Variants in PRUNE2 observed in about 807,000 individuals in gnomAD.
The protein encoded by PRUNE2 is protein prune homolog 2.
PRUNE2 carries 164 observed loss-of-function variants against 252.0 expected under a neutral mutation model. That is an observed-to-expected ratio of 0.65 (90% CI 0.57 to 0.74). The LOEUF is 0.74. PRUNE2 is among the 30% of genes least tolerant of loss of function. PRUNE2 has a pLI of 0.00. For synonymous variants in PRUNE2, 1,292 were observed against 1,350.2 expected (o/e 0.96, Z 0.94); for missense variants, 3,495 against 3,711.0 (o/e 0.94, Z 1.51).
intron 9 of PRUNE2, among the ~76,000 whole-genome samples, chr9:76,685,439 C>A (rs2043978663): frequency 6.6e-6 from 1 of 152,100 alleles, no homozygotes; most frequent in Admixed American, 6.5e-5. Flanking sequence ...TTGCATCCTC[C>A]AAGATTCTTA....
At chr9:76,618,859 T>C (rs142682993) in intron 18 of PRUNE2, among the ~76,000 whole-genome samples, 138 of 152,336 alleles carry the variant, frequency 9.1e-4, no homozygotes, top group African/African-American at 3.2e-3. Flanking sequence ...ACATGTCCAA[T>C]TTCTGCTTCT....
rs145226945 is a variant in PRUNE2, at chr9:76,863,570, T to C, written c.37-9362A>G. 7.8e-3 allele frequency among the ~76,000 whole-genome samples: 1,186 copies of C among 152,314 alleles called. 14 individuals are homozygous for C. Among genetic ancestry groups the C allele is most frequent in the African/African-American group, 0.027 (1,116 of 41,568 alleles). ...TGGCCTTGGGCATTATGGAACAACT[T>C]GTTCAATAAAGTTGCATTAAGTATG... On this transcript the variant is annotated intron_variant, in intron 1 of 18. Coordinates refer to ENST00000376718, the MANE Select transcript of PRUNE2 (RefSeq NM_015225.3).
chr9:76,769,502 C>T (rs965073965), intron 6 of PRUNE2, among the ~76,000 whole-genome samples: 1 of 149,020 alleles, frequency 6.7e-6, no homozygotes, highest in Non-Finnish European at 1.5e-5. Flanking sequence ...GGCTCGTCGT[C>T]GCAACCTCCG....
intron 6 of PRUNE2, among the ~76,000 whole-genome samples, chr9:76,810,124 G>A (rs1375750311): frequency 1.3e-5 from 2 of 152,182 alleles, no homozygotes; most frequent in Non-Finnish European, 2.9e-5. Flanking sequence ...CAGAGAAACT[G>A]AAAACTAGAT....
chr9:76,676,070 A>AAACC (rs2042504243), intron 9 of PRUNE2, among the ~76,000 whole-genome samples: 1 of 110,370 alleles, frequency 9.1e-6, no homozygotes, highest in African/African-American at 3.0e-5. Context: ...TATAATAAAA[A>AAACC]AAAAACCAAA....
At chr9:76,640,191 C>T (rs537930038) in intron 12 of PRUNE2, among the ~76,000 whole-genome samples, 43 of 152,260 alleles carry the variant, frequency 2.8e-4, no homozygotes, top group African/African-American at 8.4e-4. Context: ...CAGAACCCAA[C>T]GTGTTAGTTT....
intron 6 of PRUNE2, among the ~76,000 whole-genome samples, chr9:76,732,910 A>G (rs1454770712): frequency 6.6e-6 from 1 of 152,182 alleles, no homozygotes; most frequent in African/African-American, 2.4e-5. Flanking sequence ...AAGGCCACCA[A>G]CAGACCACCG....
chr9:76,668,306 G>A (rs554170345), intron 9 of PRUNE2, among the ~76,000 whole-genome samples: 18 of 152,318 alleles, frequency 1.2e-4, no homozygotes, highest in African/African-American at 3.1e-4. Flanking sequence ...ATGCAAACAC[G>A]AAATAATTAA....
chr9:76,875,075 C>T (rs1247027767), intron 1 of PRUNE2, among the ~76,000 whole-genome samples: 2 of 152,148 alleles, frequency 1.3e-5, no homozygotes, highest in Admixed American at 1.3e-4. Flanking sequence ...ATACAGACAG[C>T]ACCTGTATTC....
rs1564125517 is a variant in PRUNE2, at chr9:76,711,112, A to T, written c.1162T>A (p.Leu388Met). Residue 388 changes from leucine to methionine, a missense_variant, in exon 8 of 19, where the codon TTG (leucine) becomes ATG (methionine). Physicochemically the swap from Leu to Met is conservative, Grantham distance 15. Coordinates refer to ENST00000376718, the MANE Select transcript of PRUNE2 (RefSeq NM_015225.3). Reference protein sequence around the residue: ...LSQGSSGIMELYGSDIEPQPS... With the variant: ...LSQGSSGIMEMYGSDIEPQPS... ...TGTGGCTCTATGTCAGAACCATACA[A>T]TTCCATAATCCCAGAAGACCCCTGG... 4 of 1,613,888 alleles carry T rather than the reference A, an allele frequency of 2.5e-6. No individual in the cohort carries two copies. The highest frequency in any genetic ancestry group is 3.4e-6 in the Non-Finnish European group (4 of 1,179,850).
rs141285672 is a variant in PRUNE2, at chr9:76,750,475, CAGAGG to C, written c.757-36759_757-36755del. ...CCCACACATTTGGTGGCCAGAAGTA[CAGAGG>C]AGAGGAGAAAATTAGTTTTCCTATG... On this transcript the variant is annotated intron_variant, in intron 6 of 18. Coordinates refer to ENST00000376718, the MANE Select transcript of PRUNE2 (RefSeq NM_015225.3). Among the ~76,000 whole-genome samples the C allele has an allele frequency of 6.5e-3, 993 of 152,284 alleles. 10 individuals are homozygous for C. The highest frequency in any genetic ancestry group is 0.022 in the African/African-American group (933 of 41,546).
Position 76,706,812 on chromosome 9 carries a change from C to T in PRUNE2, c.5462G>A (p.Gly1821Asp), listed in dbSNP as rs2046347612. The change falls in exon 8 of 19, where the codon GGC (glycine) becomes GAC (aspartate). Residue 1821 changes from glycine to aspartate, a missense_variant. Coordinates refer to ENST00000376718, the MANE Select transcript of PRUNE2 (RefSeq NM_015225.3). ...NEDNSQLEMLGFSADSTEWWK... is the reference protein window; with the variant it reads ...NEDNSQLEMLDFSADSTEWWK... ...CCACTCAGTGCTATCAGCTGAGAAG[C>T]CCAGCATTTCCAGTTGAGAATTATC... is the stretch of plus-strand genomic sequence containing the variant. The T allele has an allele frequency of 5.0e-6, 8 of 1,599,880 alleles. No individual in the cohort carries two copies. The South Asian group carries it at 9.0e-5, about 18-fold the overall frequency.
chr9:76,860,228 T>C (rs2060477162), intron 1 of PRUNE2, among the ~76,000 whole-genome samples: 1 of 152,318 alleles, frequency 6.6e-6, no homozygotes, highest in South Asian at 2.1e-4. Flanking sequence ...TGATGTTATC[T>C]GTAGGAGTAG....
chr9:76,692,242 T>TG (rs1304431857), intron 9 of PRUNE2: 3 of 699,684 alleles, frequency 4.3e-6, no homozygotes, highest in Non-Finnish European at 8.0e-6. Context: ...GCCTCCCAGA[T>TG]CTCCCCATGC....
At chr9:76,658,300 G>A (rs1850015922) in intron 9 of PRUNE2, among the ~76,000 whole-genome samples, 1 of 152,184 alleles carries the variant, frequency 6.6e-6, no homozygotes, top group Non-Finnish European at 1.5e-5. Context: ...AGAGGTTGTG[G>A]TGAGCTGAGA....
At chr9:76,854,558 T>C (rs1234636872) in intron 1 of PRUNE2, among the ~76,000 whole-genome samples, 2 of 152,208 alleles carry the variant, frequency 1.3e-5, no homozygotes, top group East Asian at 3.8e-4. Context: ...ATATAAGATG[T>C]TCTTAATTTA....
chr9:76,649,359 CAT>C, intron 11 of PRUNE2, among the ~76,000 whole-genome samples: 1 of 23,416 alleles, frequency 4.3e-5, no homozygotes, highest in South Asian at 1.9e-3. Flanking sequence ...TTGTTCCTAT[CAT>C]CTATTAAAAC....
rs778000659 is a variant in PRUNE2, at chr9:76,705,157, G to A, written c.7117C>T (p.Leu2373=). The part of the protein sequence containing the change: ...EDLLREPEHF[L]YGGDPPLEED... ...TCCAAAGGAGGGTCACCACCATACA[G>A]GAAGTGTTCAGGCTCTCTCAGTAAA... The change falls in exon 8 of 19, where the codon CTG becomes TTG. Residue 2373 remains leucine (L), a synonymous_variant. Coordinates refer to ENST00000376718, the MANE Select transcript of PRUNE2 (RefSeq NM_015225.3). The A allele has an allele frequency of 6.2e-7, 1 of 1,613,994 alleles. No homozygotes were observed. The highest frequency in any genetic ancestry group is 1.7e-5 in the Admixed American group (1 of 60,014).
At position 76,705,910 on chromosome 9, in the gene PRUNE2, T is replaced by C; in HGVS notation, c.6364A>G (p.Ser2122Gly). 2.5e-6 allele frequency: 4 copies of C among 1,613,976 alleles called. No homozygotes were observed. Among genetic ancestry groups the C allele is most frequent in the Non-Finnish European group, 3.4e-6 (4 of 1,179,872 alleles). Residue 2122 changes from serine (S) to glycine (G), a missense_variant, in exon 8 of 19, where the codon AGT (serine) becomes GGT (glycine). Ser to Gly is a moderately conservative substitution (Grantham distance 56, BLOSUM62 0). Transcript: ENST00000376718. ...EAKQETEKHLSACMGPEVESS... is the reference protein window; with the variant it reads ...EAKQETEKHLGACMGPEVESS... ...TCCACTTCAGGTCCCATGCAAGCAC[T>C]GAGGTGCTTCTCAGTCTCTTGCTTT...
Sources: allele counts gnomAD v4.1 joint callset (sites outside exome capture counted in the v4.1 genomes callset), GRCh38; gene constraint gnomAD v4.1.1; transcripts MANE v1.5; gene names NCBI Gene and HGNC (gene_info 2026-07-23, HGNC 2026-07-21).